ZMIZ1: variants seen among roughly 807,000 people sequenced by gnomAD.
ZMIZ1 encodes the protein zinc finger MIZ domain-containing protein 1.
Under a neutral mutation model 113.9 loss-of-function variants are expected in ZMIZ1, and 17 were observed. The observed-to-expected ratio is 0.15, with a 90% CI of 0.10 to 0.22. The LOEUF (loss-of-function observed/expected upper bound fraction) is 0.22, where lower values mean the gene tolerates loss of function less well. ZMIZ1 is among the 10% of genes least tolerant of loss of function. ZMIZ1 has a pLI of 1.00. For missense variants in ZMIZ1, 1,059 were observed against 1,477.8 expected (o/e 0.72, Z 4.65); for synonymous variants, 607 against 603.1 (o/e 1.01, Z -0.09).
chr10:79,190,814 T>C (rs1056397079), intron 4 of ZMIZ1, among the ~76,000 whole-genome samples: 1 of 152,192 alleles, frequency 6.6e-6, no homozygotes, highest in African/African-American at 2.4e-5. Flanking sequence ...TAGAGGCTCT[T>C]AGCTTGAAAA....
chr10:79,117,214 C>T (rs1203574833), intron 1 of ZMIZ1, among the ~76,000 whole-genome samples: 1 of 152,276 alleles, frequency 6.6e-6, no homozygotes, highest in East Asian at 1.9e-4. Context: ...ATGTCACTCA[C>T]ACCGAATCCT....
rs189539262 is a variant in ZMIZ1 at position 79,265,181 on chromosome 10, C to G, written c.281-12000C>G. ...CCCTTGGGGAGAGGGGGCGGGCGTG[C>G]GAGGAGTGTTCCTAGAGGGAGGGAC... On this transcript the variant is annotated intron_variant, in intron 7 of 24. Coordinates refer to ENST00000334512, the MANE Select transcript of ZMIZ1 (RefSeq NM_020338.4). 3.8e-3 allele frequency among the ~76,000 whole-genome samples: 579 copies of G among 152,244 alleles called. 2 individuals are homozygous for G. Among genetic ancestry groups the G allele is most frequent in the African/African-American group, 0.013 (548 of 41,538 alleles).
At chr10:79,080,300 C>CTTTTTTTT (rs10592440) in intron 1 of ZMIZ1, among the ~76,000 whole-genome samples, 1 of 85,022 alleles carries the variant, frequency 1.2e-5, no homozygotes, top group African/African-American at 5.4e-5. Context: ...TCGGGTGTGA[C>CTTTTTTTT]TTTTTTTTTT....
Position 79,309,634 on chromosome 10 carries a change from G to A in ZMIZ1, c.2836-1290G>A, listed in dbSNP as rs371884071. ...GACACCTGGACCGTGGGCAGAGCCC[G>A]ACCCATAGCAAGGCCTGGGAAACAG... On this transcript the variant is annotated intron_variant, in intron 23 of 24. Coordinates refer to ENST00000334512, the MANE Select transcript of ZMIZ1 (RefSeq NM_020338.4). Among the ~76,000 whole-genome samples the A allele has an allele frequency of 5.8e-4, 88 of 152,346 alleles. 1 individual carries two copies. Among genetic ancestry groups the A allele is most frequent in the Middle Eastern group, 3.4e-3 (1 of 294 alleles).
chr10:79,311,737 T>TGGGCAGCAGA (rs942818308), intron 24 of ZMIZ1, among the ~76,000 whole-genome samples: 7 of 152,028 alleles, frequency 4.6e-5, no homozygotes, highest in Non-Finnish European at 2.9e-5. Flanking sequence ...CAGGCCATCA[T>TGGGCAGCAGA]GGGCAGCAGA....
At chr10:79,170,601 A>C (rs938126291) in intron 4 of ZMIZ1, among the ~76,000 whole-genome samples, 2 of 152,120 alleles carry the variant, frequency 1.3e-5, no homozygotes, top group Non-Finnish European at 2.9e-5. Flanking sequence ...ACTGGTACCT[A>C]CTGGGAGGTA....
chr10:79,283,424 C>T (rs765589637), intron 8 of ZMIZ1, among the ~76,000 whole-genome samples: 3 of 152,300 alleles, frequency 2.0e-5, no homozygotes, highest in Middle Eastern at 3.4e-3. Flanking sequence ...CCAAGCCTGG[C>T]ACACTGGGAG....
At chr10:79,285,851 T>G (rs967512045) in intron 8 of ZMIZ1, among the ~76,000 whole-genome samples, 4 of 152,180 alleles carry the variant, frequency 2.6e-5, no homozygotes, top group Non-Finnish European at 2.9e-5. Flanking sequence ...AGGTGGCCTT[T>G]GGAAGAGCCT....
At chr10:79,231,177 A>G (rs1314871656) in intron 7 of ZMIZ1, among the ~76,000 whole-genome samples, 1 of 152,228 alleles carries the variant, frequency 6.6e-6, no homozygotes, top group African/African-American at 2.4e-5. Flanking sequence ...CACAGGGGCC[A>G]CCTGAGGCCA....
intron 2 of ZMIZ1, among the ~76,000 whole-genome samples, chr10:79,122,305 A>C (rs1235311603): frequency 1.3e-5 from 2 of 152,146 alleles, no homozygotes; most frequent in Non-Finnish European, 2.9e-5. Context: ...AGTCCAGGAC[A>C]GAAGCTTTGG....
intron 7 of ZMIZ1, among the ~76,000 whole-genome samples, chr10:79,236,140 A>G (rs905662393): frequency 6.6e-6 from 1 of 152,166 alleles, no homozygotes; most frequent in African/African-American, 2.4e-5. Context: ...GGTGGCTGGG[A>G]CACCTGGTAT....
At chr10:79,223,766 G>C (rs1404954396) in intron 7 of ZMIZ1, among the ~76,000 whole-genome samples, 1 of 152,212 alleles carries the variant, frequency 6.6e-6, no homozygotes, top group Non-Finnish European at 1.5e-5. Context: ...ACCTCCCTCT[G>C]AATTACCCTG....
chr10:79,240,511 A>G (rs2132827033), intron 7 of ZMIZ1, among the ~76,000 whole-genome samples: 1 of 152,304 alleles, frequency 6.6e-6, no homozygotes, highest in East Asian at 1.9e-4. Flanking sequence ...AGTGGGCCAG[A>G]GAGAGCCTTG....
chr10:79,295,157 C>G (rs1279600674), intron 12 of ZMIZ1: 1 of 152,180 alleles, frequency 6.6e-6, no homozygotes, highest in East Asian at 1.9e-4. Flanking sequence ...CTCAAAATCC[C>G]AGTGTCCCAC....
chr10:79,240,839 G>A (rs900515599), intron 7 of ZMIZ1, among the ~76,000 whole-genome samples: 1 of 151,850 alleles, frequency 6.6e-6, no homozygotes, highest in Admixed American at 6.6e-5. Flanking sequence ...ATGCCACCAG[G>A]TCTGTCCCCC....
intron 1 of ZMIZ1, among the ~76,000 whole-genome samples, chr10:79,109,050 C>T (rs11598107): frequency 0.67 from 101,743 of 152,066 alleles, 34,050 homozygotes; most frequent in African/African-American, 0.71. Flanking sequence ...TGGGCCTGTG[C>T]GCAGATGAAC....
At chr10:79,106,487 G>C (rs1843564011) in intron 1 of ZMIZ1, among the ~76,000 whole-genome samples, 1 of 152,216 alleles carries the variant, frequency 6.6e-6, no homozygotes, top group Admixed American at 6.5e-5. Context: ...TGACTCATAT[G>C]CTCCCCCAAG....
At chr10:79,212,884 G>A (rs1401593547) in intron 6 of ZMIZ1, among the ~76,000 whole-genome samples, 1 of 152,154 alleles carries the variant, frequency 6.6e-6, no homozygotes, top group Non-Finnish European at 1.5e-5. Flanking sequence ...TTACAGGTGT[G>A]AGCCACCATA....
chr10:79,073,421 G>C (rs1214956751), intron 1 of ZMIZ1, among the ~76,000 whole-genome samples: 1 of 152,198 alleles, frequency 6.6e-6, no homozygotes, highest in Non-Finnish European at 1.5e-5. Context: ...GTCCAGTCTT[G>C]GCTTGCATGC....
Sources: allele counts gnomAD v4.1 joint callset (sites outside exome capture counted in the v4.1 genomes callset), GRCh38; gene constraint gnomAD v4.1.1; transcripts MANE v1.5; gene names NCBI Gene and HGNC (gene_info 2026-07-23, HGNC 2026-07-21).